CCSER2: variants seen among roughly 807,000 people sequenced by gnomAD.
CCSER2 encodes the protein coiled-coil serine rich protein 2.
A neutral mutation model predicts 92.3 loss-of-function variants in CCSER2; 46 were observed. That is an observed-to-expected ratio of 0.50 (90% CI 0.39 to 0.64). The LOEUF (loss-of-function observed/expected upper bound fraction) is 0.64, where lower values mean the gene tolerates loss of function less well. Ranked by LOEUF, CCSER2 falls within the 30% of genes least tolerant of loss-of-function variation. CCSER2 has a pLI of 0.00. For synonymous variants in CCSER2, 433 were observed against 431.4 expected (o/e 1.00, Z -0.04); for missense variants, 1,244 against 1,238.9 (o/e 1.00, Z -0.06).
At chr10:84,425,647 AC>A in intron 4 of CCSER2, 83 bp from the exon 5 acceptor site, 1 of 856,828 alleles carries the variant, frequency 1.2e-6, no homozygotes, top group South Asian at 3.7e-5. Context: ...TATTTGATTT[AC>A]AGCATTTAAT....
At chr10:84,485,759 T>C (rs1847769311) in intron 9 of CCSER2, among the ~76,000 whole-genome samples, 1 of 152,218 alleles carries the variant, frequency 6.6e-6, no homozygotes, top group African/African-American at 2.4e-5. Flanking sequence ...TAATTATTAT[T>C]ATTATTTAAG....
intron 5 of CCSER2, among the ~76,000 whole-genome samples, chr10:84,436,354 T>TCCTG (rs1844141321): frequency 4.4e-4 from 17 of 39,028 alleles, no homozygotes; most frequent in Admixed American, 8.8e-4. Flanking sequence ...AAAAAAAAAA[T>TCCTG]GCCGGGCGCG....
intron 6 of CCSER2, among the ~76,000 whole-genome samples, chr10:84,441,763 T>G (rs12769353): frequency 5.0e-5 from 6 of 119,072 alleles, no homozygotes; most frequent in African/African-American, 1.6e-4. Flanking sequence ...TTTTTTTTTT[T>G]TTTTTTTTTT....
intron 3 of CCSER2, among the ~76,000 whole-genome samples, chr10:84,395,872 T>G (rs1841801038): frequency 6.6e-6 from 1 of 152,170 alleles, no homozygotes; most frequent in Non-Finnish European, 1.5e-5. Context: ...CAAGGAAGAT[T>G]TTTATTGGAG....
In CCSER2 at chr10:84,372,428, C is replaced by A; in HGVS notation, c.1376C>A (p.Ala459Asp). ...MFDSPKENEKAFSKTDEWIDI... is the reference protein window; with the variant it reads ...MFDSPKENEKDFSKTDEWIDI... ...GATTCCCCCAAGGAAAATGAAAAAG[C>A]CTTCAGTAAAACTGATGAATGGATA... The change falls in exon 2 of 10, where the codon GCC becomes GAC. Residue 459 changes from alanine (A) to aspartate (D), a missense_variant. By Grantham distance (126) the Ala-to-Asp change is moderately radical (BLOSUM62 -2). Transcript: ENST00000372088. The A allele has an allele frequency of 1.9e-6, 3 of 1,585,172 alleles. No homozygotes were observed. Among genetic ancestry groups the A allele is most frequent in the Non-Finnish European group, 2.6e-6 (3 of 1,172,068 alleles).
chr10:84,422,328 C>T (rs1843190247), intron 4 of CCSER2, among the ~76,000 whole-genome samples: 1 of 152,176 alleles, frequency 6.6e-6, no homozygotes, highest in African/African-American at 2.4e-5. Context: ...TGTAAGCTAA[C>T]ACTTGCGGGG....
At chr10:84,488,974 T>C (rs1847976360) in intron 9 of CCSER2, among the ~76,000 whole-genome samples, 1 of 152,238 alleles carries the variant, frequency 6.6e-6, no homozygotes, top group African/African-American at 2.4e-5. Context: ...ACATCTTTAT[T>C]TCTGCCTTCA....
intron 8 of CCSER2, among the ~76,000 whole-genome samples, chr10:84,474,142 A>G (rs1218425468): frequency 6.6e-6 from 1 of 152,330 alleles, no homozygotes; most frequent in East Asian, 1.9e-4. Flanking sequence ...GTTCAGATAC[A>G]TTTCTCATTG....
chr10:84,482,344 A>T (rs1016905141), intron 9 of CCSER2, among the ~76,000 whole-genome samples: 1 of 152,248 alleles, frequency 6.6e-6, no homozygotes, highest in Non-Finnish European at 1.5e-5. Context: ...CTAATCATTC[A>T]CATGAAAATA....
At chr10:84,330,354 A>G (rs1449467968) in intron 1 of CCSER2, among the ~76,000 whole-genome samples, 2 of 152,220 alleles carry the variant, frequency 1.3e-5, no homozygotes, top group African/African-American at 2.4e-5. Context: ...TCTACCTAGT[A>G]AACAACTTGC....
chr10:84,446,574 C>T (rs61866488), intron 6 of CCSER2, among the ~76,000 whole-genome samples: 19,252 of 152,042 alleles, frequency 0.13, 1,492 homozygotes, highest in Admixed American at 0.23. Context: ...CCCCATATTT[C>T]TCTCATCACT....
At chr10:84,337,444 T>C (rs928272880) in intron 1 of CCSER2, among the ~76,000 whole-genome samples, 7 of 152,180 alleles carry the variant, frequency 4.6e-5, no homozygotes, top group Admixed American at 1.3e-4. Flanking sequence ...ATGAAAATCA[T>C]TGGTGACCTT....
chr10:84,371,966 A>G lies in CCSER2; in HGVS notation c.914A>G (p.Asn305Ser), dbSNP rs1363326809. 10 of 1,613,672 alleles carry G rather than the reference A, an allele frequency of 6.2e-6. No individual in the cohort carries two copies. The highest frequency in any genetic ancestry group is 7.6e-6 in the Non-Finnish European group (9 of 1,179,824). The change falls in exon 2 of 10, where the codon AAT (asparagine) becomes AGT (serine). Residue 305 changes from asparagine (N) to serine (S), a missense_variant. Asn to Ser is a conservative substitution (Grantham distance 46). Coordinates refer to ENST00000372088, the MANE Select transcript of CCSER2 (RefSeq NM_001284240.2). ...GGTGGAAAGAAGTTGGCTTTACCAA[A>G]TGGCCCAGGTGTAACTTCTACTTTA... ...AAGGKKLALP[N>S]GPGVTSTLGY... is the part of the protein sequence containing the mutation.
At chr10:84,430,705 G>A (rs999409762) in intron 5 of CCSER2, among the ~76,000 whole-genome samples, 3 of 152,180 alleles carry the variant, frequency 2.0e-5, no homozygotes, top group Admixed American at 6.5e-5. Flanking sequence ...GTAAGGAGAT[G>A]GGTGTGGCTA....
At chr10:84,472,298 G>A (rs150711317) in intron 8 of CCSER2, among the ~76,000 whole-genome samples, 14 of 152,212 alleles carry the variant, frequency 9.2e-5, no homozygotes, top group Admixed American at 6.5e-5. Context: ...GCTGGGCATG[G>A]TAGCTCACTC....
Position 84,514,063 on chromosome 10 carries a change from G to A in CCSER2, c.2940G>A (p.Lys980=). 2.0e-6 allele frequency: 3 copies of A among 1,536,354 alleles called. No homozygotes were observed. The highest frequency in any genetic ancestry group is 2.6e-6 in the Non-Finnish European group (3 of 1,146,970). Residue 980 remains lysine, a synonymous_variant, in exon 10 of 10, where the codon AAG becomes AAA. Coordinates refer to ENST00000372088, the MANE Select transcript of CCSER2 (RefSeq NM_001284240.2). ...LANNQNLKAS[K]LRPPSGSFKQ... Reference sequence around the variant, plus strand: ...ATAATCAGAATCTGAAAGCATCTAAGCTCCGCCCCCCCTCAGGCTCTTTCA... The same window carrying A: ...ATAATCAGAATCTGAAAGCATCTAAACTCCGCCCCCCCTCAGGCTCTTTCA...
At chr10:84,357,989 A>G (rs148655250) in intron 1 of CCSER2, among the ~76,000 whole-genome samples, 155 of 152,326 alleles carry the variant, frequency 1.0e-3, no homozygotes, top group Non-Finnish European at 1.9e-3. Flanking sequence ...GATTTTAAGT[A>G]TGATTTTCCT....
intron 1 of CCSER2, among the ~76,000 whole-genome samples, chr10:84,349,804 A>G (rs112706293): frequency 1.1e-4 from 17 of 152,060 alleles, no homozygotes; most frequent in African/African-American, 3.4e-4. Context: ...CTGCTTCTAC[A>G]TTTTCTTCTT....
In CCSER2 at chr10:84,371,936, C is replaced by A. The variant is rs144671442; in HGVS notation, c.884C>A (p.Ala295Asp). The A allele has an allele frequency of 8.7e-6, 14 of 1,613,624 alleles. No homozygotes were observed. Among genetic ancestry groups the A allele is most frequent in the Non-Finnish European group, 1.2e-5 (14 of 1,179,796 alleles). Residue 295 changes from alanine to aspartate, a missense_variant, in exon 2 of 10, where the codon GCT (alanine) becomes GAT (aspartate). Coordinates refer to ENST00000372088, the MANE Select transcript of CCSER2 (RefSeq NM_001284240.2). ...GGGTATGGATTTAATAGGCCTTATG[C>A]TGCTGGTGGAAAGAAGTTGGCTTTA... ...HLGYGFNRPY[A>D]AGGKKLALPN...
Sources: gnomAD v4.1 joint callset for allele counts (sites outside exome capture counted in the v4.1 genomes callset) on GRCh38, gnomAD v4.1.1 for gene constraint, MANE v1.5 for transcripts, NCBI Gene and HGNC (gene_info 2026-07-23, HGNC 2026-07-21) for gene names.